ABCC8: variants seen among roughly 807,000 people sequenced by gnomAD.
ABCC8 encodes the protein ATP-binding cassette sub-family C member 8.
In ABCC8, 137 loss-of-function variants were observed where a neutral mutation model predicts 188.0. The ratio of observed to expected loss-of-function variants is 0.73; its 90% CI spans 0.63 to 0.84. The LOEUF (loss-of-function observed/expected upper bound fraction) is 0.84, where lower values mean the gene tolerates loss of function less well. Ranked by LOEUF, ABCC8 falls within the 40% of genes least tolerant of loss-of-function variation. ABCC8 has a pLI of 0.00. For synonymous variants in ABCC8, 797 were observed against 846.5 expected, an observed-to-expected ratio of 0.94 and a Z score of 1.01; for missense variants, 1,750 against 2,072.7, an observed-to-expected ratio of 0.84 and a Z score of 3.02.
At chr11:17,442,961 G>C in intron 9 of ABCC8, 79 bp from the exon 10 acceptor site, 1 of 1,602,512 alleles carries the variant, frequency 6.2e-7, no homozygotes, top group East Asian at 2.2e-5. Flanking sequence ...TGTCAATACT[G>C]TCACTGCCAT....
chr11:17,413,595 T>A, intron 19 of ABCC8, 117 bp from the exon 20 acceptor site: 1 of 1,600,686 alleles, frequency 6.2e-7, no homozygotes, highest in South Asian at 1.1e-5. Flanking sequence ...ATGGCTTTAA[T>A]AGGCCTCCCG....
chr11:17,464,352 A>G (rs1212915114), intron 3 of ABCC8, among the ~76,000 whole-genome samples: 1 of 152,206 alleles, frequency 6.6e-6, no homozygotes, highest in African/African-American at 2.4e-5. Flanking sequence ...ATACGGAAAG[A>G]GCCAGCCACA....
chr11:17,398,117 C>T (rs902664050), intron 30 of ABCC8, among the ~76,000 whole-genome samples: 3 of 152,204 alleles, frequency 2.0e-5, no homozygotes, highest in Admixed American at 6.5e-5. Context: ...ACTGTTCTTG[C>T]CACTGGCACA....
At position 17,443,212 on chromosome 11, in the gene ABCC8, G is replaced by C. The variant is rs1956392066; in HGVS notation, c.1433C>G (p.Ala478Gly). 2 of 1,614,172 alleles carry C rather than the reference G, an allele frequency of 1.2e-6. No individual in the cohort carries two copies. Among genetic ancestry groups the C allele is most frequent in the Non-Finnish European group, 8.5e-7 (1 of 1,180,040 alleles). Reference sequence around the variant, plus strand: ...CCGCTGGGCCTGAGACAGCTTGGTGGCCACGAAGTACTGGACAGGAGCCAG... The same window carrying C: ...CCGCTGGGCCTGAGACAGCTTGGTGCCCACGAAGTACTGGACAGGAGCCAG... ...ILLAPVQYFV[A>G]TKLSQAQRST... The change falls in exon 9 of 39, where the codon GCC (alanine) becomes GGC (glycine). Residue 478 changes from alanine to glycine, a missense_variant. By Grantham distance (60) the Ala-to-Gly change is moderately conservative (BLOSUM62 0). Transcript: ENST00000389817.
Position 17,427,186 on chromosome 11 carries a change from G to C in ABCC8, c.2117-32C>G. On this transcript the variant is annotated intron_variant, in intron 15 of 38. Transcript: ENST00000389817. This position sits in a 1 kb window ranked among gnomAD's most constrained non-coding sequence, Gnocchi z 5.0. ...GGAGGGAGGGTGGCAGATGTGAGTG[G>C]GGCCGGGGGAGTCTGAACAACCATT... The C allele has an allele frequency of 6.3e-7, 1 of 1,590,178 alleles. No individual in the cohort carries two copies. The highest frequency in any genetic ancestry group is 1.1e-5 in the South Asian group (1 of 88,632).
At chr11:17,397,512 G>A in intron 31 of ABCC8, 172 bp downstream of exon 31, 1 of 1,416,774 alleles carries the variant, frequency 7.1e-7, no homozygotes, top group Non-Finnish European at 9.6e-7. Context: ...ACCTGTCTGG[G>A]GCCTGGGCCC....
In ABCC8 at chr11:17,442,696, GCTGGC is replaced by G. The variant is rs1956363448; in HGVS notation, c.1630+19_1630+23del. On this transcript the variant is annotated intron_variant, in intron 10 of 38. Transcript: ENST00000389817. Reference sequence around the variant, plus strand: ...TTGCATGTACGCAGCAGCACCCAGGGCTGGCTGTGTGGGGTGAACTCACTGGAGAT... The same window carrying G: ...TTGCATGTACGCAGCAGCACCCAGGGTGTGTGGGGTGAACTCACTGGAGAT... 1 of 1,609,356 alleles carries G rather than the reference GCTGGC, an allele frequency of 6.2e-7. No homozygotes were observed. The highest frequency in any genetic ancestry group is 8.5e-7 in the Non-Finnish European group (1 of 1,176,686).
intron 10 of ABCC8, 24 bp from the exon 11 acceptor site, chr11:17,432,268 G>T: frequency 6.4e-7 from 1 of 1,551,956 alleles, no homozygotes; most frequent in South Asian, 1.2e-5. Flanking sequence ...ACAGGGAGGC[G>T]TTTAGTGGGA....
At chr11:17,430,520 G>T (rs1955796984) in intron 12 of ABCC8, 1 of 449,942 alleles carries the variant, frequency 2.2e-6, no homozygotes, top group Non-Finnish European at 4.1e-6. Flanking sequence ...TAGAATTTAG[G>T]AGGATTCCAC....
chr11:17,392,948 T>G lies in ABCC8; in HGVS notation c.*43A>C. The G allele has an allele frequency of 6.3e-7, 1 of 1,596,808 alleles. No homozygotes were observed. The highest frequency in any genetic ancestry group is 8.6e-7 in the Non-Finnish European group (1 of 1,164,948). On this transcript the variant is annotated 3_prime_UTR_variant, in exon 39 of 39. Coordinates refer to ENST00000389817, the MANE Select transcript of ABCC8 (RefSeq NM_000352.6). ...CAGTTAGAAAACCCAGGCAGGGGTA[T>G]GGGCAGGGTCCGAATGTGGGATGGC...
In ABCC8 at chr11:17,397,756, G is replaced by T. The variant is rs572134560; in HGVS notation, c.3795C>A (p.Thr1265=). 1 of 1,613,884 alleles carries T rather than the reference G, an allele frequency of 6.2e-7. No homozygotes were observed. The highest frequency in any genetic ancestry group is 8.5e-7 in the Non-Finnish European group (1 of 1,179,996). ...GACVVLIAAV[T]SISNSLHREL... is the part of the protein sequence containing the mutation. ...CCCTGTGCAGGGAGTTGGAGATGGA[G>T]GTCACCGCTGCGATGAGCACCACAC... The change falls in exon 31 of 39, where the codon ACC becomes ACA. Residue 1265 remains threonine, a synonymous_variant. Coordinates refer to ENST00000389817, the MANE Select transcript of ABCC8 (RefSeq NM_000352.6).
chr11:17,449,460 C>T (rs114233844), intron 7 of ABCC8, among the ~76,000 whole-genome samples: 2 of 152,274 alleles, frequency 1.3e-5, no homozygotes, highest in Admixed American at 6.5e-5. Context: ...GTTACACGAC[C>T]GCGTGAGTCA....
At chr11:17,436,056 C>T in intron 10 of ABCC8, 1 of 988,386 alleles carries the variant, frequency 1.0e-6, no homozygotes, top group Non-Finnish European at 1.6e-6. Flanking sequence ...TGTTCTTATT[C>T]CAGAACTGCT....
chr11:17,411,926 G>A (rs1485348910), intron 21 of ABCC8, among the ~76,000 whole-genome samples: 6 of 148,128 alleles, frequency 4.1e-5, no homozygotes, highest in African/African-American at 1.5e-4. Flanking sequence ...CAAAGTCTCG[G>A]TTTGTCCCCA....
chr11:17,403,255 G>A (rs1016747295), intron 28 of ABCC8, among the ~76,000 whole-genome samples: 1 of 152,214 alleles, frequency 6.6e-6, no homozygotes, highest in Non-Finnish European at 1.5e-5. Flanking sequence ...TAAGGCCAGA[G>A]GTTTCCATGG....
chr11:17,408,382 A>C lies in ABCC8; in HGVS notation c.2820+10T>G. ...GGGGTGGCTGCTTGGCCATCCCTGG[A>C]TATACCCACCTTCTCCAGCTCTTGG... On this transcript the variant is annotated intron_variant, in intron 23 of 38. Coordinates refer to ENST00000389817, the MANE Select transcript of ABCC8 (RefSeq NM_000352.6). 4 of 1,612,830 alleles carry C rather than the reference A, an allele frequency of 2.5e-6. No homozygotes were observed. Among genetic ancestry groups the C allele is most frequent in the Non-Finnish European group, 3.4e-6 (4 of 1,179,850 alleles).
chr11:17,442,520 T>C (rs1355910323), intron 10 of ABCC8, among the ~76,000 whole-genome samples, 200 bp downstream of exon 10: 1 of 152,136 alleles, frequency 6.6e-6, no homozygotes, highest in Non-Finnish European at 1.5e-5. Context: ...TTTCCATGCA[T>C]GTTTGTTGGA....
At chr11:17,403,635 GTGCAC>G (rs1954359666) in intron 28 of ABCC8, among the ~76,000 whole-genome samples, 1 of 152,142 alleles carries the variant, frequency 6.6e-6, no homozygotes, top group South Asian at 2.1e-4. Context: ...AGCCAACTAT[GTGCAC>G]TTGGGAAAGG....
At chr11:17,451,869 T>A (rs1285080138) in intron 7 of ABCC8, among the ~76,000 whole-genome samples, 1 of 152,234 alleles carries the variant, frequency 6.6e-6, no homozygotes, top group South Asian at 2.1e-4. Flanking sequence ...AATCAGGTAT[T>A]ACCATTTTAA....
Sources: allele counts gnomAD v4.1 joint callset (sites outside exome capture counted in the v4.1 genomes callset), GRCh38; gene constraint gnomAD v4.1.1; non-coding constraint Gnocchi (gnomAD v3.1); transcripts MANE v1.5; gene names NCBI Gene and HGNC (gene_info 2026-07-23, HGNC 2026-07-21).